The following PDZRN4 variants were observed in gnomAD, a reference collection of about 807,000 sequenced individuals.
PDZRN4 encodes PDZ domain containing ring finger 4.
PDZRN4 carries 70 observed loss-of-function variants against 99.0 expected under a neutral mutation model. That is an observed-to-expected ratio of 0.71 (90% CI 0.58 to 0.86). The LOEUF is 0.86. Among genes scored for constraint, PDZRN4 ranks in the 40% least tolerant of loss-of-function variants. The pLI is 0.00. For synonymous variants in PDZRN4, 551 were observed against 501.6 expected (o/e 1.10, Z -1.32); for missense variants, 1,474 against 1,331.2 (o/e 1.11, Z -1.67).
intron 5 of PDZRN4, among the ~76,000 whole-genome samples, chr12:41,547,172 A>G (rs1005451811): frequency 3.9e-5 from 6 of 152,076 alleles, no homozygotes; most frequent in Non-Finnish European, 8.8e-5. Context: ...AAGGGGGAAA[A>G]AACCTTCCTG....
At chr12:41,377,790 T>C (rs1191497944) in intron 3 of PDZRN4, among the ~76,000 whole-genome samples, 2 of 152,234 alleles carry the variant, frequency 1.3e-5, no homozygotes, top group Non-Finnish European at 2.9e-5. Context: ...AGAAAGTTCA[T>C]TGTTAGTATA....
chr12:41,431,241 C>A (rs550882976), intron 3 of PDZRN4, among the ~76,000 whole-genome samples: 14 of 152,298 alleles, frequency 9.2e-5, no homozygotes, highest in Non-Finnish European at 1.5e-4. Flanking sequence ...TGGGCACATA[C>A]GTACTCTGTG....
intron 3 of PDZRN4, among the ~76,000 whole-genome samples, chr12:41,341,652 T>C (rs1951818531): frequency 6.6e-6 from 1 of 151,716 alleles, no homozygotes; most frequent in Non-Finnish European, 1.5e-5. Flanking sequence ...GTGAAAAATC[T>C]CTTCTCTACA....
chr12:41,469,332 A>C (rs1952963296), intron 3 of PDZRN4, among the ~76,000 whole-genome samples: 1 of 152,204 alleles, frequency 6.6e-6, no homozygotes, highest in South Asian at 2.1e-4. Context: ...AAATGTGTGG[A>C]ATCAAAGAAT....
intron 3 of PDZRN4, among the ~76,000 whole-genome samples, chr12:41,252,908 A>G (rs1037800349): frequency 1.3e-5 from 2 of 152,160 alleles, no homozygotes; most frequent in East Asian, 3.8e-4. Context: ...GTACATTTTC[A>G]AAATATATAC....
intron 3 of PDZRN4, among the ~76,000 whole-genome samples, chr12:41,422,338 TCA>T (rs933188201): frequency 7.9e-5 from 12 of 152,180 alleles, no homozygotes; most frequent in Non-Finnish European, 1.3e-4. Flanking sequence ...GAGCTGTGTG[TCA>T]CAGGTACTGA....
intron 2 of PDZRN4, among the ~76,000 whole-genome samples, chr12:41,193,828 T>C (rs955965499): frequency 2.0e-5 from 3 of 152,182 alleles, no homozygotes; most frequent in Non-Finnish European, 4.4e-5. Context: ...CCCTTTCCCA[T>C]AGCTTTTTTA....
chr12:41,539,903 A>T lies in PDZRN4; in HGVS notation c.1204-12753A>T, dbSNP rs78480064. ...TCCTTTTCTCATTCATCAGATCAGG[A>T]GATATTCAGGTCTACTAATTGGTTT... On this transcript the variant is annotated intron_variant, in intron 5 of 9. Transcript: ENST00000402685. Among the ~76,000 whole-genome samples, 1,250 of 152,258 alleles carry T rather than the reference A, an allele frequency of 8.2e-3. 14 individuals carry two copies. The highest frequency in any genetic ancestry group is 0.028 in the African/African-American group (1,171 of 41,558).
At chr12:41,212,464 T>C (rs1255254883) in intron 3 of PDZRN4, among the ~76,000 whole-genome samples, 1 of 152,032 alleles carries the variant, frequency 6.6e-6, no homozygotes, top group East Asian at 1.9e-4. Context: ...ATTTTTCATG[T>C]GTTTTATATA....
Position 41,379,523 on chromosome 12 carries a change from C to T in PDZRN4, c.844-126933C>T, listed in dbSNP as rs77225691. On this transcript the variant is annotated intron_variant, in intron 3 of 9. Transcript: ENST00000402685. ...ATAGCTTTAAACTTTTCTTTTAGAA[C>T]ATTTTTGCTGCATTCCATAAATGTC... Among the ~76,000 whole-genome samples, 15 of 151,686 alleles carry T rather than the reference C, an allele frequency of 9.9e-5. No homozygotes were observed. The East Asian group carries it at 2.1e-3, about 21-fold the overall frequency.
At chr12:41,191,565 A>G (rs770920004) in intron 2 of PDZRN4, 21 bp downstream of exon 2, 1 of 1,038,936 alleles carries the variant, frequency 9.6e-7, no homozygotes, top group Non-Finnish European at 1.5e-6. Context: ...TTGTTAATGC[A>G]TTACTCGTTA....
At chr12:41,568,597 C>G (rs1939419652) in intron 9 of PDZRN4, among the ~76,000 whole-genome samples, 1 of 152,124 alleles carries the variant, frequency 6.6e-6, no homozygotes, top group Non-Finnish European at 1.5e-5. Flanking sequence ...ATGAGCAGAA[C>G]TGCTGTCCTT....
Position 41,341,971 on chromosome 12 carries a change from A to G in PDZRN4, c.843+147783A>G, listed in dbSNP as rs190991481. 3.0e-3 allele frequency among the ~76,000 whole-genome samples: 464 copies of G among 152,160 alleles called. 4 individuals are homozygous for G. Among genetic ancestry groups the G allele is most frequent in the African/African-American group, 0.011 (444 of 41,552 alleles). On this transcript the variant is annotated intron_variant, in intron 3 of 9. Transcript: ENST00000402685. ...AATATACTACAAAGCTGCAGTAACC[A>G]AAACAGCATGGTACTGTCATAAAAA...
intron 6 of PDZRN4, among the ~76,000 whole-genome samples, chr12:41,554,390 T>A (rs1396917992): frequency 6.6e-6 from 1 of 152,182 alleles, no homozygotes; most frequent in East Asian, 1.9e-4. Flanking sequence ...AGCCACAGGA[T>A]CTGAACATAT....
chr12:41,555,245 A>AAAG (rs1939136112), intron 6 of PDZRN4, among the ~76,000 whole-genome samples: 1 of 45,430 alleles, frequency 2.2e-5, no homozygotes, highest in East Asian at 5.6e-4. Context: ...AAAAAAAAAA[A>AAAG]AAAAGAAAAA....
chr12:41,410,112 C>T (rs1952384426), intron 3 of PDZRN4: 1 of 152,184 alleles, frequency 6.6e-6, no homozygotes, highest in African/African-American at 2.4e-5. Context: ...CCAGCATATA[C>T]ACCTCTATTT....
intron 3 of PDZRN4, among the ~76,000 whole-genome samples, chr12:41,300,860 T>TA (rs200716488): frequency 0.013 from 2,019 of 152,110 alleles, 29 homozygotes; most frequent in Non-Finnish European, 0.019. Flanking sequence ...TATGTCTTTC[T>TA]AGACCCAGAA....
At chr12:41,561,913 T>C (rs1206269703) in intron 7 of PDZRN4, among the ~76,000 whole-genome samples, 1 of 152,054 alleles carries the variant, frequency 6.6e-6, no homozygotes, top group Non-Finnish European at 1.5e-5. Flanking sequence ...GTAGGGGAAG[T>C]ATAGTGGAAT....
At chr12:41,291,944 A>C (rs1172812852) in intron 3 of PDZRN4, among the ~76,000 whole-genome samples, 1 of 152,118 alleles carries the variant, frequency 6.6e-6, no homozygotes, top group Non-Finnish European at 1.5e-5. Context: ...ACTGGGAGGA[A>C]GGCAGGACCA....
Sources: gnomAD v4.1 joint callset for allele counts (sites outside exome capture counted in the v4.1 genomes callset) on GRCh38, gnomAD v4.1.1 for gene constraint, MANE v1.5 for transcripts, NCBI Gene and HGNC (gene_info 2026-07-23, HGNC 2026-07-21) for gene names.